The following POLR3H variants were observed in gnomAD, a reference collection of about 807,000 sequenced individuals.
POLR3H encodes the protein RNA polymerase III subunit H.
A neutral mutation model predicts 25.5 loss-of-function variants in POLR3H; 17 were observed. The ratio of observed to expected loss-of-function variants is 0.67; its 90% CI spans 0.46 to 1.00. The LOEUF is 1.00. Ranked by LOEUF, POLR3H falls within the 50% of genes least tolerant of loss-of-function variation. The pLI is 0.00. For missense variants in POLR3H, 274 were observed against 265.0 expected (o/e 1.03, Z -0.24); for synonymous variants, 129 against 103.0 (o/e 1.25, Z -1.53).
Position 41,544,208 on chromosome 22 carries a change from C to T in POLR3H, c.-107G>A, listed in dbSNP as rs2066981233. ...TGGTCCCGTCCCAGTCGCTGAGGCC[C>T]CCAGGCTGGCGGTGAGGTTGCACGG... is the stretch of plus-strand genomic sequence containing the variant. On this transcript the variant is annotated 5_prime_UTR_variant, in exon 1 of 6. Transcript: ENST00000355209. 1 of 666,820 alleles carries T rather than the reference C, an allele frequency of 1.5e-6. No individual in the cohort carries two copies. Among genetic ancestry groups the T allele is most frequent in the African/African-American group, 1.8e-5 (1 of 54,998 alleles). The allele number at this position is 666,820 out of a possible 1,614,324, so 41.3% of individuals were successfully genotyped here.
chr22:41,533,149 G>A (rs533392561), intron 2 of POLR3H, among the ~76,000 whole-genome samples: 47 of 152,246 alleles, frequency 3.1e-4, no homozygotes, highest in Non-Finnish European at 7.3e-5. Flanking sequence ...GACCTGGAGA[G>A]GAGGCTAAAA....
rs754564086 is a variant in POLR3H at position 41,544,136 on chromosome 22, G to A, written c.-35C>T. The A allele has an allele frequency of 1.7e-5, 23 of 1,385,496 alleles. No homozygotes were observed. The highest frequency in any genetic ancestry group is 5.7e-5 in the African/African-American group (4 of 70,452). The allele number at this position is 1,385,496 out of a possible 1,614,324, so 85.8% of individuals were successfully genotyped here. On this transcript the variant is annotated 5_prime_UTR_variant, in exon 1 of 6. Transcript: ENST00000355209. ...CGCTGGGGGCTCTGGGAACAGGAGGGTCAGTCACGCACCAGGGCCGGGGGC... is the reference window on the plus strand; with the variant it reads ...CGCTGGGGGCTCTGGGAACAGGAGGATCAGTCACGCACCAGGGCCGGGGGC...
Position 41,530,672 on chromosome 22 carries a change from A to T in POLR3H, c.561+15T>A. On this transcript the variant is annotated intron_variant, in intron 5 of 5. Transcript: ENST00000355209. ...CCCGCCTCATGGGGGCTTCAGCACC[A>T]TCAGAGCCACTCACCACAAGCGTGT... is the stretch of plus-strand genomic sequence containing the variant. 6.2e-7 allele frequency: 1 copy of T among 1,607,252 alleles called. No individual in the cohort carries two copies. Among genetic ancestry groups the T allele is most frequent in the Non-Finnish European group, 8.5e-7 (1 of 1,177,038 alleles).
At chr22:41,540,667 A>C in intron 2 of POLR3H, 32 bp downstream of exon 2, 1 of 1,528,040 alleles carries the variant, frequency 6.5e-7, no homozygotes, top group Non-Finnish European at 9.1e-7. Context: ...AGCCCCAAGA[A>C]GCCCAATGCC....
Position 41,528,402 on chromosome 22 carries a change from T to C in POLR3H, c.*881A>G, listed in dbSNP as rs186658127. 1.9e-6 allele frequency: 3 copies of C among 1,564,622 alleles called. No homozygotes were observed. In the African/African-American group the frequency reaches 4.1e-5, roughly 21 times the overall value. ...CCTCTTAGGTCCCCAGGCAGTGCCC[T>C]GTCTCCCTGACCCCCCTGCGGGGCC... On this transcript the variant is annotated 3_prime_UTR_variant, in exon 6 of 6. Transcript: ENST00000355209.
At position 41,540,687 on chromosome 22, in the gene POLR3H, G is replaced by A; in HGVS notation, c.208+12C>T. 1.2e-6 allele frequency: 2 copies of A among 1,603,998 alleles called. No individual in the cohort carries two copies. The highest frequency in any genetic ancestry group is 1.7e-6 in the Non-Finnish European group (2 of 1,170,764). Reference sequence around the variant, plus strand: ...CAAGAAGCCCAATGCCCCAGGGACAGAAGATACCCACCTTTGGTGTGTGAT... The same window carrying A: ...CAAGAAGCCCAATGCCCCAGGGACAAAAGATACCCACCTTTGGTGTGTGAT... On this transcript the variant is annotated intron_variant, in intron 2 of 5. Transcript: ENST00000355209.
At chr22:41,532,619 T>C (rs1458485842) in intron 3 of POLR3H, 40 bp downstream of exon 3, 1 of 1,613,468 alleles carries the variant, frequency 6.2e-7, no homozygotes, top group African/African-American at 1.3e-5. Context: ...GCCCCCACAG[T>C]GTTCCCAAGT....
intron 1 of POLR3H, among the ~76,000 whole-genome samples, chr22:41,541,897 G>C (rs1203238895): frequency 1.3e-5 from 2 of 152,146 alleles, no homozygotes; most frequent in African/African-American, 2.4e-5. Flanking sequence ...CGTAAAGCCA[G>C]CTAAGCATCC....
At chr22:41,541,693 CA>C (rs1009519769) in intron 1 of POLR3H, among the ~76,000 whole-genome samples, 1 of 152,230 alleles carries the variant, frequency 6.6e-6, no homozygotes, top group Non-Finnish European at 1.5e-5. Flanking sequence ...ACCTCTACCC[CA>C]AAGGGACTAT....
At chr22:41,537,929 TGAGATTACA>T (rs1234890443) in intron 2 of POLR3H, among the ~76,000 whole-genome samples, 2 of 151,424 alleles carry the variant, frequency 1.3e-5, no homozygotes, top group Non-Finnish European at 2.9e-5. Context: ...CCCAGGGAGC[TGAGATTACA>T]GGTGTGTACA....
chr22:41,530,241 G>A (rs2066700071), intron 5 of POLR3H, among the ~76,000 whole-genome samples: 1 of 152,110 alleles, frequency 6.6e-6, no homozygotes, highest in Admixed American at 6.5e-5. Flanking sequence ...AGCCTCCCAA[G>A]TAGCTGGGAC....
chr22:41,529,962 A>G (rs2066693138), intron 5 of POLR3H, among the ~76,000 whole-genome samples: 2 of 151,698 alleles, frequency 1.3e-5, no homozygotes, highest in Non-Finnish European at 2.9e-5. Flanking sequence ...TCACCGTGTT[A>G]GCCAGGATGG....
chr22:41,528,672 T>G lies in POLR3H; in HGVS notation c.*611A>C. ...AGTTCAGCTCCACGTGTGCCATCAG[T>G]GGATCCGATCCGTCCAGCCATGGCT... On this transcript the variant is annotated 3_prime_UTR_variant, in exon 6 of 6. Coordinates refer to ENST00000355209, the MANE Select transcript of POLR3H (RefSeq NM_001018050.4). The G allele has an allele frequency of 6.3e-7, 1 of 1,593,322 alleles. No homozygotes were observed. The highest frequency in any genetic ancestry group is 8.5e-7 in the Non-Finnish European group (1 of 1,172,852).
intron 5 of POLR3H, 38 bp downstream of exon 5, chr22:41,530,649 C>A: frequency 6.4e-7 from 1 of 1,572,010 alleles, no homozygotes; most frequent in East Asian, 2.3e-5. Flanking sequence ...CCGGCTCTCC[C>A]GCCTCATGGG....
intron 1 of POLR3H, 68 bp from the exon 2 acceptor site, chr22:41,540,863 G>A: frequency 3.3e-6 from 4 of 1,203,046 alleles, no homozygotes; most frequent in Non-Finnish European, 3.7e-6. Flanking sequence ...CCAGCTCCCA[G>A]GCAATCTGAG....
intron 1 of POLR3H, among the ~76,000 whole-genome samples, chr22:41,541,935 C>T (rs1446492983): frequency 6.6e-6 from 1 of 152,220 alleles, no homozygotes; most frequent in Non-Finnish European, 1.5e-5. Context: ...CAGCCCATCA[C>T]CTTCTGATGC....
chr22:41,530,839 CTCCT>C lies in POLR3H; in HGVS notation c.405_408del (p.Gly136HisfsTer107). The C allele has an allele frequency of 6.2e-7, 1 of 1,614,084 alleles. No individual in the cohort carries two copies. Among genetic ancestry groups the C allele is most frequent in the Non-Finnish European group, 8.5e-7 (1 of 1,180,038 alleles). ...CCGGTGTCCATGTAGAGGTCGTGTG[CTCCT>C]TCCTCCGTCTCGTACTCCCACACCC... On this transcript the variant is annotated frameshift_variant, in exon 5 of 6. Transcript: ENST00000355209. LOFTEE classifies it high-confidence loss of function.
chr22:41,542,514 C>A (rs182784047), intron 1 of POLR3H, among the ~76,000 whole-genome samples: 375 of 152,264 alleles, frequency 2.5e-3, no homozygotes, highest in Non-Finnish European at 4.1e-3. Context: ...ATCTCACCTT[C>A]AACCCCACCT....
chr22:41,530,790 A>G lies in POLR3H; in HGVS notation c.458T>C (p.Val153Ala), dbSNP rs574506368. 7 of 1,614,054 alleles carry G rather than the reference A, an allele frequency of 4.3e-6. No homozygotes were observed. The highest frequency in any genetic ancestry group is 1.7e-4 in the Middle Eastern group (1 of 6,046). Residue 153 changes from valine to alanine, a missense_variant, in exon 5 of 6, where the codon GTG becomes GCG. Physicochemically the swap from Val to Ala is moderately conservative, Grantham distance 64. Coordinates refer to ENST00000355209, the MANE Select transcript of POLR3H (RefSeq NM_001018050.4). ...GGACGTGTCAACAAAGCTCTCGTCCACCACCCGGAAGCGGATCTCCTCGCC... is the reference window on the plus strand; with the variant it reads ...GGACGTGTCAACAAAGCTCTCGTCCGCCACCCGGAAGCGGATCTCCTCGCC... Reference protein sequence around the residue: ...DTGEEIRFRVVDESFVDTSPT... With the variant: ...DTGEEIRFRVADESFVDTSPT...
Sources: gnomAD v4.1 joint callset for allele counts (sites outside exome capture counted in the v4.1 genomes callset) on GRCh38, gnomAD v4.1.1 for gene constraint, MANE v1.5 for transcripts, NCBI Gene and HGNC (gene_info 2026-07-23, HGNC 2026-07-21) for gene names.